Variants in SAFB2 observed in about 807,000 individuals in gnomAD.
The protein encoded by SAFB2 is scaffold attachment factor B2.
A neutral mutation model predicts 100.6 loss-of-function variants in SAFB2; 32 were observed. The ratio of observed to expected loss-of-function variants is 0.32; its 90% confidence interval spans 0.24 to 0.43. The LOEUF is 0.43. Among genes scored for constraint, SAFB2 ranks in the 20% least tolerant of loss-of-function variants. The pLI, the probability that SAFB2 is intolerant of heterozygous loss-of-function variation, is 1.00. For synonymous variants in SAFB2, 500 were observed against 439.4 expected (o/e 1.14, Z -1.72); for missense variants, 1,185 against 1,163.4 (o/e 1.02, Z -0.27).
intron 4 of SAFB2, among the ~76,000 whole-genome samples, chr19:5,614,816 C>T (rs1432773726): frequency 6.6e-6 from 1 of 152,226 alleles, no homozygotes; most frequent in Non-Finnish European, 1.5e-5. Context: ...TCCTCCTTTA[C>T]ATACAAGGAT....
Position 5,592,839 on chromosome 19 carries a change from G to A in SAFB2, c.2256C>T (p.Asp752=), listed in dbSNP as rs187991401. The change falls in exon 16 of 21, where the codon GAC becomes GAT. Residue 752 remains aspartate, a synonymous_variant. Transcript: ENST00000252542. The part of the protein sequence containing the change: ...WPEGKRVAME[D]RYRADFPRPD... Reference sequence around the variant, plus strand: ...GCCGGGGAAAGTCTGCACGATATCGGTCCTCCATTGCCACACGCTTTCCTT... The same window carrying A: ...GCCGGGGAAAGTCTGCACGATATCGATCCTCCATTGCCACACGCTTTCCTT... The A allele has an allele frequency of 6.2e-7, 1 of 1,614,164 alleles. No individual in the cohort carries two copies. Among genetic ancestry groups the A allele is most frequent in the East Asian group, 2.2e-5 (1 of 44,886 alleles).
intron 13 of SAFB2, among the ~76,000 whole-genome samples, chr19:5,597,154 G>A (rs778504927): frequency 2.7e-4 from 41 of 152,188 alleles, no homozygotes; most frequent in Admixed American, 1.4e-3. Context: ...GTCAGCACGG[G>A]ACTCCTGGGT....
chr19:5,602,396 C>T (rs1001531047), intron 11 of SAFB2, among the ~76,000 whole-genome samples: 3 of 137,836 alleles, frequency 2.2e-5, no homozygotes, highest in Non-Finnish European at 4.6e-5. Flanking sequence ...AGGAGAATGG[C>T]GTGAACCCGG....
intron 15 of SAFB2, 61 bp downstream of exon 15, chr19:5,593,830 G>T (rs2052470953): frequency 3.6e-6 from 5 of 1,376,388 alleles, no homozygotes; most frequent in Non-Finnish European, 4.7e-6. Flanking sequence ...TGTTCTGCTG[G>T]AAGGGTGAAC....
chr19:5,590,113 G>GAA (rs1307137252), intron 18 of SAFB2, among the ~76,000 whole-genome samples, 165 bp downstream of exon 18: 2 of 152,196 alleles, frequency 1.3e-5, no homozygotes, highest in African/African-American at 4.8e-5. Flanking sequence ...TTCTTCTTGA[G>GAA]AACCTGGACT....
At position 5,587,650 on chromosome 19, in the gene SAFB2, G is replaced by GAAGT. The variant is rs1364791682; in HGVS notation, c.2705+47_2705+50dup. 1.3e-6 allele frequency: 2 copies of GAAGT among 1,500,816 alleles called. No individual in the cohort carries two copies. Among genetic ancestry groups the GAAGT allele is most frequent in the Admixed American group, 2.4e-5 (1 of 42,054 alleles). 93.0% of individuals were successfully genotyped at this position (1,500,816 alleles called of 1,614,324 possible). ...GATCAAACATGCAAAAAAGGGAGAGGAAGTGAGGAGCAGGAGTGAACCACC... is the reference window on the plus strand; with the variant it reads ...GATCAAACATGCAAAAAAGGGAGAGGAAGTAAGTGAGGAGCAGGAGTGAACCACC... On this transcript the variant is annotated intron_variant, in intron 20 of 20. Transcript: ENST00000252542. This position sits in a 1 kb window ranked among gnomAD's most constrained non-coding sequence, Gnocchi z 4.9.
chr19:5,608,239 G>A (rs1470653279), intron 9 of SAFB2, among the ~76,000 whole-genome samples: 1 of 152,174 alleles, frequency 6.6e-6, no homozygotes, highest in African/African-American at 2.4e-5. Flanking sequence ...TGCTGAAGCT[G>A]CCTCCCAAAT....
rs955930746 is a variant in SAFB2 at position 5,622,721 on chromosome 19, C to T, written c.-6G>A. 1.0e-5 allele frequency: 16 copies of T among 1,597,080 alleles called. No individual in the cohort carries two copies. The highest frequency in any genetic ancestry group is 1.3e-5 in the Non-Finnish European group (15 of 1,175,654). ...CCGGGCAGAGTCTCCGCCATCGTCG[C>T]GTTCCCGTCTTCGCCACCGACTCAG... is the stretch of plus-strand genomic sequence containing the variant. On this transcript the variant is annotated 5_prime_UTR_variant, in exon 1 of 21. Coordinates refer to ENST00000252542, the MANE Select transcript of SAFB2 (RefSeq NM_014649.3).
intron 14 of SAFB2, among the ~76,000 whole-genome samples, chr19:5,594,951 C>G (rs931110353): frequency 2.6e-5 from 4 of 152,336 alleles, no homozygotes; most frequent in African/African-American, 9.6e-5. Context: ...TGGGCTCCAG[C>G]AATCCTCCCA....
rs561520294 is a variant in SAFB2 at position 5,592,243 on chromosome 19, G to A, written c.2349-450C>T. Reference sequence around the variant, plus strand: ...ATGAATGGGGAAATGGGTCAGAGATGTGCAGCCGAGGGGAGCCCAAAGACA... The same window carrying A: ...ATGAATGGGGAAATGGGTCAGAGATATGCAGCCGAGGGGAGCCCAAAGACA... On this transcript the variant is annotated intron_variant, in intron 16 of 20. Transcript: ENST00000252542. 2.6e-5 allele frequency among the ~76,000 whole-genome samples: 4 copies of A among 152,302 alleles called. No homozygotes were observed. The South Asian group carries it at 6.2e-4, about 24-fold the overall frequency.
At chr19:5,621,969 G>C (rs772914434) in intron 1 of SAFB2, among the ~76,000 whole-genome samples, 2 of 152,248 alleles carry the variant, frequency 1.3e-5, no homozygotes, top group African/African-American at 4.8e-5. Context: ...AACGCAGGAT[G>C]AGCTGGCAAG....
At chr19:5,590,027 A>AC (rs2052356499) in intron 18 of SAFB2, among the ~76,000 whole-genome samples, 2 of 151,600 alleles carry the variant, frequency 1.3e-5, no homozygotes, top group African/African-American at 4.9e-5. Context: ...ACTGCAGGCG[A>AC]CCCCCAGCTC....
chr19:5,613,703 C>A, intron 4 of SAFB2, 176 bp from the exon 5 acceptor site: 1 of 985,444 alleles, frequency 1.0e-6, no homozygotes, highest in Non-Finnish European at 1.2e-6. Context: ...ACACACTCCA[C>A]GACTCTGCTC....
chr19:5,609,922 A>C (rs1037786490), intron 9 of SAFB2, 73 bp downstream of exon 9: 3 of 1,314,596 alleles, frequency 2.3e-6, no homozygotes, highest in African/African-American at 1.5e-5. Flanking sequence ...ATAGACGTGA[A>C]CCACCGTGCC....
rs868682850 is a variant in SAFB2, at chr19:5,587,748, A to C, written c.2658T>G (p.Ser886=). 5.2e-6 allele frequency: 8 copies of C among 1,552,582 alleles called. No homozygotes were observed. Among genetic ancestry groups the C allele is most frequent in the Non-Finnish European group, 8.7e-7 (1 of 1,147,626 alleles). Reference sequence around the variant, plus strand: ...CCATGTGCCCCGGCCCCGAGGGCCCAGACAGGCCCCTCTCGCCACCTAGAA... The same window carrying C: ...CCATGTGCCCCGGCCCCGAGGGCCCCGACAGGCCCCTCTCGCCACCTAGAA... ...ARWQGGERGL[S]GPSGPGHMAS... is the part of the protein sequence containing the mutation. Residue 886 remains serine (S), a synonymous_variant, in exon 20 of 21, where the codon TCT becomes TCG. Transcript: ENST00000252542. The surrounding 1 kb of genome is among the most constrained non-coding windows in gnomAD (Gnocchi z 4.9).
chr19:5,591,930 A>C, intron 16 of SAFB2, 137 bp from the exon 17 acceptor site: 4 of 797,508 alleles, frequency 5.0e-6, no homozygotes, highest in Non-Finnish European at 6.1e-6. Context: ...AAAAAGGAAA[A>C]AGCTAGCTCA....
intron 17 of SAFB2, among the ~76,000 whole-genome samples, chr19:5,590,622 C>A (rs2052376096): frequency 1.3e-5 from 2 of 152,202 alleles, no homozygotes; most frequent in African/African-American, 4.8e-5. Context: ...ATCACTGCCC[C>A]ACCTGAGCTG....
chr19:5,600,759 G>C (rs191904305), intron 11 of SAFB2, among the ~76,000 whole-genome samples: 1 of 152,118 alleles, frequency 6.6e-6, no homozygotes. Context: ...AACACCCCTC[G>C]ACCGGTAACT....
rs1219771996 is a variant in SAFB2, at chr19:5,602,474, T to C, written c.1559+2109A>G. Reference sequence around the variant, plus strand: ...CAGCCTGGGTGACAGAGCGAGACTCTGTCTCAAAAAAAAAAAAAAAAAAAA... The same window carrying C: ...CAGCCTGGGTGACAGAGCGAGACTCCGTCTCAAAAAAAAAAAAAAAAAAAA... On this transcript the variant is annotated intron_variant, in intron 11 of 20. Coordinates refer to ENST00000252542, the MANE Select transcript of SAFB2 (RefSeq NM_014649.3). Among the ~76,000 whole-genome samples the C allele has an allele frequency of 2.1e-4, 21 of 101,866 alleles. 1 individual carries two copies. Among genetic ancestry groups the C allele is most frequent in the Non-Finnish European group, 3.9e-4 (21 of 53,690 alleles). 66.8% of individuals were successfully genotyped at this position (101,866 alleles called of 152,430 possible). A position where few individuals can be genotyped will look rare whatever the true frequency, so the allele number is the denominator to read the frequency against.
Sources: allele counts gnomAD v4.1 joint callset (sites outside exome capture counted in the v4.1 genomes callset), GRCh38; gene constraint gnomAD v4.1.1; non-coding constraint Gnocchi (gnomAD v3.1); transcripts MANE v1.5; gene names NCBI Gene and HGNC (gene_info 2026-07-23, HGNC 2026-07-21).